Variants in TAF6L observed in about 807,000 individuals in gnomAD.
The protein encoded by TAF6L is TATA-box binding protein associated factor 6 like, also known as TAF6-like RNA polymerase II p300/CBP-associated factor-associated factor 65 kDa subunit 6L.
TAF6L carries 34 observed loss-of-function variants against 57.3 expected under a neutral mutation model. The ratio of observed to expected loss-of-function variants is 0.59; its 90% CI spans 0.45 to 0.79. The LOEUF (loss-of-function observed/expected upper bound fraction) is 0.79. TAF6L is among the 30% of genes least tolerant of loss of function. The pLI is 0.00. For missense variants in TAF6L, 782 were observed against 853.2 expected (o/e 0.92, Z 1.04); for synonymous variants, 417 against 376.3 (o/e 1.11, Z -1.25).
chr11:62,772,741 T>C (rs565479480), intron 1 of TAF6L, among the ~76,000 whole-genome samples: 1,551 of 147,684 alleles, frequency 0.011, 19 homozygotes, highest in Non-Finnish European at 0.012. Context: ...GAGGTTTTAG[T>C]GAGCCGAGAT....
intron 9 of TAF6L, among the ~76,000 whole-genome samples, chr11:62,785,506 AG>A (rs1182937734): frequency 2.7e-5 from 4 of 146,698 alleles, no homozygotes; most frequent in African/African-American, 1.0e-4. Context: ...TTTTCCTTAT[AG>A]GCCCAGCTGG....
At chr11:62,781,052 A>AT (rs2084225744) in intron 6 of TAF6L, among the ~76,000 whole-genome samples, 1 of 151,516 alleles carries the variant, frequency 6.6e-6, no homozygotes, top group Non-Finnish European at 1.5e-5. Flanking sequence ...CCTGGTCAAC[A>AT]TGGCAAAACC....
intron 2 of TAF6L, 101 bp from the exon 3 acceptor site, chr11:62,776,283 C>G (rs1241118933): frequency 8.4e-7 from 1 of 1,197,048 alleles, no homozygotes; most frequent in Non-Finnish European, 1.2e-6. Flanking sequence ...TAAGCGTGGT[C>G]TCCTGTTTGC....
chr11:62,784,858 G>T lies in TAF6L; in HGVS notation c.961-1402G>T, dbSNP rs182224407. 3.9e-5 allele frequency among the ~76,000 whole-genome samples: 6 copies of T among 152,082 alleles called. No individual in the cohort carries two copies. In the East Asian group the frequency reaches 5.8e-4, roughly 15 times the overall value. ...TGTGGGTCTGCTAAATTTTAAAAGG[G>T]TTTATATTCAGGAGTGAAATTAAAC... On this transcript the variant is annotated intron_variant, in intron 9 of 10. Transcript: ENST00000294168.
At chr11:62,773,571 G>C (rs1487719729) in intron 1 of TAF6L, among the ~76,000 whole-genome samples, 1 of 151,216 alleles carries the variant, frequency 6.6e-6, no homozygotes, top group Non-Finnish European at 1.5e-5. Context: ...CCTCAGCCTT[G>C]CGAGTAGCTG....
intron 3 of TAF6L, among the ~76,000 whole-genome samples, chr11:62,777,335 A>G (rs2084195021): frequency 6.6e-6 from 1 of 152,178 alleles, no homozygotes; most frequent in African/African-American, 2.4e-5. Context: ...TCAAAACAAA[A>G]AAAAGAAAAA....
At chr11:62,778,617 TCA>T (rs1309673185) in intron 5 of TAF6L, 2 of 612,398 alleles carry the variant, frequency 3.3e-6, no homozygotes, top group Non-Finnish European at 5.8e-6. Flanking sequence ...GAGCAGAGCT[TCA>T]CAGAGCCTGA....
chr11:62,771,902 A>G (rs1244684335), intron 1 of TAF6L: 1 of 316,794 alleles, frequency 3.2e-6, no homozygotes, highest in Non-Finnish European at 6.3e-6. Context: ...CAGCTTCACA[A>G]CGATCTATTG....
At chr11:62,782,510 A>T in intron 8 of TAF6L, 177 bp downstream of exon 8, 1 of 1,057,090 alleles carries the variant, frequency 9.5e-7, no homozygotes, top group Non-Finnish European at 1.4e-6. Context: ...TGGATTACAA[A>T]TACGCCAAGG....
chr11:62,772,666 C>T (rs1170420069), intron 1 of TAF6L, among the ~76,000 whole-genome samples: 1 of 151,430 alleles, frequency 6.6e-6, no homozygotes, highest in Non-Finnish European at 1.5e-5. Flanking sequence ...TCCATCCCTA[C>T]TAAAAATACA....
chr11:62,776,686 A>T (rs2084190671), intron 3 of TAF6L, among the ~76,000 whole-genome samples: 2 of 151,964 alleles, frequency 1.3e-5, no homozygotes, highest in Non-Finnish European at 1.5e-5. Context: ...CCCCTTCTTT[A>T]CTAAAAATAC....
At chr11:62,774,938 A>G (rs10750976) in intron 1 of TAF6L, among the ~76,000 whole-genome samples, 148,734 of 148,848 alleles carry the variant, frequency 1, 74,310 homozygotes, top group Non-Finnish European at 1. Flanking sequence ...GGTGGCAGGT[A>G]CCTGTAATCC....
At chr11:62,777,900 C>A in intron 3 of TAF6L, 78 bp from the exon 4 acceptor site, 1 of 1,531,362 alleles carries the variant, frequency 6.5e-7, no homozygotes, top group South Asian at 1.2e-5. Context: ...CTGCTCTGGT[C>A]AGTGGAGCCT....
In TAF6L at chr11:62,786,829, C is replaced by G. The variant is rs200047501; in HGVS notation, c.1402C>G (p.Pro468Ala). The G allele has an allele frequency of 7.7e-4, 1,232 of 1,603,510 alleles. No individual in the cohort carries two copies. Among genetic ancestry groups the G allele is most frequent in the Non-Finnish European group, 9.6e-4 (1,132 of 1,178,802 alleles). The part of the protein sequence containing the change: ...TGQPAPTAPR[P>A]PGDKKEPAAA... Reference sequence around the variant, plus strand: ...CCAGCCTGCACCCACGGCTCCGCGGCCGCCCGGGGACAAGAAGGAGCCGGC... The same window carrying G: ...CCAGCCTGCACCCACGGCTCCGCGGGCGCCCGGGGACAAGAAGGAGCCGGC... Residue 468 changes from proline (P) to alanine (A), a missense_variant, in exon 11 of 11, where the codon CCG becomes GCG. By Grantham distance (27) the Pro-to-Ala change is conservative. This residue lies in a region of TAF6L where 483 missense variants were observed against 445.1 expected (regional missense o/e 1.09). Transcript: ENST00000294168.
chr11:62,784,638 G>C (rs543791188), intron 9 of TAF6L, among the ~76,000 whole-genome samples: 34 of 152,174 alleles, frequency 2.2e-4, no homozygotes, highest in African/African-American at 5.8e-4. Flanking sequence ...ATTTATATTG[G>C]ATTTTTATCA....
At chr11:62,780,564 C>T (rs775690201) in intron 6 of TAF6L, among the ~76,000 whole-genome samples, 3 of 151,788 alleles carry the variant, frequency 2.0e-5, no homozygotes, top group African/African-American at 4.8e-5. Flanking sequence ...AACGAAACTC[C>T]GTCTCAAAGA....
chr11:62,787,291 C>T lies in TAF6L; in HGVS notation c.1864C>T (p.Leu622Phe), dbSNP rs763518697. Residue 622 changes from leucine (L) to phenylalanine (F), a missense_variant, in exon 11 of 11, where the codon CTC (leucine) becomes TTC (phenylalanine). Transcript: ENST00000294168. ...CTCGGACTACTCGCTGTACTTGCCG[C>T]TCTGAGTCAGTGGCCCCTTCGTTCC... is the stretch of plus-strand genomic sequence containing the variant. ...ALSDYSLYLP[L>F] 1.9e-6 allele frequency: 3 copies of T among 1,540,182 alleles called. No individual in the cohort carries two copies. Among genetic ancestry groups the T allele is most frequent in the African/African-American group, 1.4e-5 (1 of 71,522 alleles).
rs771523665 is a variant in TAF6L at position 62,786,751 on chromosome 11, C to G, written c.1324C>G (p.Arg442Gly). Residue 442 changes from arginine (R) to glycine (G), a missense_variant, in exon 11 of 11, where the codon CGG becomes GGG. Around this residue, in one of 3 missense-constraint regions of TAF6L, gnomAD observed 483 missense variants for 445.1 expected, o/e 1.09. Coordinates refer to ENST00000294168, the MANE Select transcript of TAF6L (RefSeq NM_006473.4). ...SLSVTLADIY[R>G]ELYAFFGDSL... ...TTCGGTGACCCTGGCCGACATCTACCGGGAGCTCTACGCCTTCTTCGGTGA... is the reference window on the plus strand; with the variant it reads ...TTCGGTGACCCTGGCCGACATCTACGGGGAGCTCTACGCCTTCTTCGGTGA... 1.9e-6 allele frequency: 3 copies of G among 1,613,016 alleles called. No homozygotes were observed. The highest frequency in any genetic ancestry group is 1.1e-5 in the South Asian group (1 of 91,078).
In TAF6L at chr11:62,781,900, C is replaced by T. The variant is rs555697514; in HGVS notation, c.538C>T (p.Leu180Phe). The change falls in exon 7 of 11, where the codon CTC becomes TTC. Residue 180 changes from leucine (L) to phenylalanine (F), a missense_variant. By Grantham distance (22) the Leu-to-Phe change is conservative. Transcript: ENST00000294168. ...TCTGGGCCCTTCCTTTTAGGTTGCA[C>T]TCCAGGACTTGCAGACGAACTCCAA... Reference protein sequence around the residue: ...GDDPQLMKVALQDLQTNSKIG... With the variant: ...GDDPQLMKVAFQDLQTNSKIG... 231 of 1,614,144 alleles carry T rather than the reference C, an allele frequency of 1.4e-4. 1 individual carries two copies. In the South Asian group the frequency reaches 2.4e-3, roughly 17 times the overall value.
Sources: allele counts gnomAD v4.1 joint callset (sites outside exome capture counted in the v4.1 genomes callset), GRCh38; gene constraint gnomAD v4.1.1; regional missense constraint gnomAD v4.1.1; transcripts MANE v1.5; gene names NCBI Gene and HGNC (gene_info 2026-07-23, HGNC 2026-07-21).